The following STAP1 variants were observed in gnomAD, a reference collection of about 807,000 sequenced individuals.
STAP1 encodes the protein signal-transducing adaptor protein 1.
A neutral mutation model predicts 37.8 loss-of-function variants in STAP1; 30 were observed. The observed-to-expected ratio is 0.79, with a 90% confidence interval of 0.59 to 1.08. The LOEUF is 1.08. Among genes scored for constraint, STAP1 ranks in the 50% least tolerant of loss-of-function variants. The probability of loss-of-function intolerance (pLI) is 0.00; values close to 1 mark genes in which losing one functional copy is unlikely to be tolerated. For missense variants in STAP1, 357 were observed against 349.4 expected (o/e 1.02, Z -0.17); for synonymous variants, 130 against 116.0 (o/e 1.12, Z -0.78).
At chr4:67,581,634 A>C (rs2242329) in intron 5 of STAP1, among the ~76,000 whole-genome samples, 163 bp downstream of exon 5, 1 of 152,088 alleles carries the variant, frequency 6.6e-6, no homozygotes, top group African/African-American at 2.4e-5. Flanking sequence ...CTTCTATGTC[A>C]TGATCAACAA....
chr4:67,602,708 G>A (rs1728369691), intron 8 of STAP1, among the ~76,000 whole-genome samples: 1 of 152,114 alleles, frequency 6.6e-6, no homozygotes, highest in Non-Finnish European at 1.5e-5. Flanking sequence ...AACAAATGGA[G>A]TCTCTCCCCA....
At chr4:67,562,086 A>G (rs1025680446) in intron 1 of STAP1, among the ~76,000 whole-genome samples, 2 of 144,890 alleles carry the variant, frequency 1.4e-5, no homozygotes, top group African/African-American at 2.5e-5. Flanking sequence ...AAAAAAAAAA[A>G]AAAAAGAAAG....
At position 67,571,138 on chromosome 4, in the gene STAP1, G is replaced by A. The variant is rs781246980; in HGVS notation, c.175G>A (p.Asp59Asn). 18 of 1,606,372 alleles carry A rather than the reference G, an allele frequency of 1.1e-5. No homozygotes were observed. The highest frequency in any genetic ancestry group is 1.6e-4 in the Middle Eastern group (1 of 6,064). Residue 59 changes from aspartate (D) to asparagine (N), a missense_variant, in exon 2 of 9, where the codon GAC becomes AAC. Transcript: ENST00000265404. ...AGGAACTACTCTTTTCTTTTATACC[G>A]ACAAAAAGAGTATAATAGTAAGTAA... Reference protein sequence around the residue: ...LRGTTLFFYTDKKSIIYVDKL... With the variant: ...LRGTTLFFYTNKKSIIYVDKL...
intron 2 of STAP1, among the ~76,000 whole-genome samples, chr4:67,574,105 A>T (rs1004083666): frequency 6.6e-6 from 1 of 152,124 alleles, no homozygotes; most frequent in Non-Finnish European, 1.5e-5. Context: ...TCTGGAAAAA[A>T]GTATGAATAT....
Position 67,592,036 on chromosome 4 carries a change from G to A in STAP1, c.729+1083G>A, listed in dbSNP as rs116130028. Among the ~76,000 whole-genome samples, 1,505 of 152,264 alleles carry A rather than the reference G, an allele frequency of 9.9e-3. 27 individuals are homozygous for A. The highest frequency in any genetic ancestry group is 0.034 in the African/African-American group (1,423 of 41,534). On this transcript the variant is annotated intron_variant, in intron 7 of 8. Transcript: ENST00000265404. ...GTCATTAGCTCATACAGTCTACAGTGTAAGGAAAACTAACAGCCTGGATTA... is the reference window on the plus strand; with the variant it reads ...GTCATTAGCTCATACAGTCTACAGTATAAGGAAAACTAACAGCCTGGATTA...
In STAP1 at chr4:67,602,036, ATTCT is replaced by A. The variant is rs542141934; in HGVS notation, c.827-4254_827-4251del. Among the ~76,000 whole-genome samples, 597 of 151,082 alleles carry A rather than the reference ATTCT, an allele frequency of 4.0e-3. 2 individuals are homozygous for A. Among genetic ancestry groups the A allele is most frequent in the Middle Eastern group, 0.017 (5 of 294 alleles). ...TTGTAGGTGTGCTTCATTCCTTTTT[ATTCT>A]TTCTTCTTTTGTCTCCTCTGTGCAT... On this transcript the variant is annotated intron_variant, in intron 8 of 8. Transcript: ENST00000265404.
chr4:67,591,458 A>C (rs1476959471), intron 7 of STAP1, among the ~76,000 whole-genome samples: 1 of 152,200 alleles, frequency 6.6e-6, no homozygotes, highest in Non-Finnish European at 1.5e-5. Context: ...AATTGTTATC[A>C]TTACCCTGAG....
At chr4:67,603,482 G>A (rs948609734) in intron 8 of STAP1, among the ~76,000 whole-genome samples, 1 of 152,036 alleles carries the variant, frequency 6.6e-6, no homozygotes, top group Non-Finnish European at 1.5e-5. Flanking sequence ...GAATGTGCTG[G>A]GTCATACCTG....
At chr4:67,584,797 A>G (rs1014525154) in intron 6 of STAP1, among the ~76,000 whole-genome samples, 5 of 152,212 alleles carry the variant, frequency 3.3e-5, no homozygotes, top group African/African-American at 1.2e-4. Flanking sequence ...GGGTAGGGAC[A>G]CATCACTCAG....
intron 1 of STAP1, among the ~76,000 whole-genome samples, chr4:67,568,728 T>A (rs1456227862): frequency 1.3e-5 from 2 of 152,246 alleles, no homozygotes; most frequent in African/African-American, 2.4e-5. Flanking sequence ...GATCTGTCAA[T>A]AATATATACT....
intron 8 of STAP1, among the ~76,000 whole-genome samples, chr4:67,604,791 G>C (rs1728415074): frequency 6.6e-6 from 1 of 150,938 alleles, no homozygotes; most frequent in Admixed American, 6.6e-5. Flanking sequence ...TTAAAAGCAG[G>C]CAACCATCTT....
intron 4 of STAP1, among the ~76,000 whole-genome samples, chr4:67,579,512 T>C (rs1157095526): frequency 6.6e-6 from 1 of 152,178 alleles, no homozygotes; most frequent in Non-Finnish European, 1.5e-5. Flanking sequence ...AGAGGTTTAA[T>C]TGGCTCCTGG....
chr4:67,581,543 G>T, intron 5 of STAP1, 72 bp downstream of exon 5: 1 of 1,508,218 alleles, frequency 6.6e-7, no homozygotes, highest in Non-Finnish European at 8.9e-7. Context: ...AGGAGAGTTA[G>T]TCACTTGCTC....
chr4:67,583,455 G>A (rs747638878), intron 5 of STAP1, 119 bp from the exon 6 acceptor site: 96 of 1,041,480 alleles, frequency 9.2e-5, no homozygotes, highest in South Asian at 4.4e-4. Flanking sequence ...TAATCAAACC[G>A]GAAGTTTTAA....
At chr4:67,605,003 G>A (rs1303493782) in intron 8 of STAP1, among the ~76,000 whole-genome samples, 1 of 152,174 alleles carries the variant, frequency 6.6e-6, no homozygotes, top group Non-Finnish European at 1.5e-5. Context: ...AGGTGAGCCT[G>A]GAATTTGTGT....
In STAP1 at chr4:67,583,596, A is replaced by G; in HGVS notation, c.553A>G (p.Lys185Glu). 6.2e-7 allele frequency: 1 copy of G among 1,613,546 alleles called. No individual in the cohort carries two copies. The highest frequency in any genetic ancestry group is 1.7e-4 in the Middle Eastern group (1 of 6,054). The change falls in exon 6 of 9, where the codon AAA becomes GAA. Residue 185 changes from lysine (K) to glutamate (E), a missense_variant. Lys to Glu is a moderately conservative substitution (Grantham distance 56, BLOSUM62 1). Transcript: ENST00000265404. ...MPACFYTVSR[K>E]EATEMLQKNP... The stretch of plus-strand genomic sequence containing the variant: ...TAGATGTTTTTATACAGTGTCCCGG[A>G]AAGAGGCAACTGAGATGCTCCAGAA...
intron 3 of STAP1, among the ~76,000 whole-genome samples, chr4:67,575,997 T>A (rs1035427728): frequency 5.3e-5 from 8 of 152,208 alleles, no homozygotes; most frequent in Non-Finnish European, 1.0e-4. Context: ...GCTCCCCGGA[T>A]GATTTGCAGA....
intron 6 of STAP1, 139 bp from the exon 7 acceptor site, chr4:67,590,745 A>ATT (rs66493617): frequency 0.2 from 41,403 of 207,700 alleles, 5,027 homozygotes; most frequent in Non-Finnish European, 0.23. Context: ...ACCACGAAGG[A>ATT]TTTTTTTTTT....
chr4:67,581,235 G>A, intron 4 of STAP1, 70 bp from the exon 5 acceptor site: 1 of 1,472,848 alleles, frequency 6.8e-7, no homozygotes, highest in South Asian at 1.3e-5. Flanking sequence ...ACCAGAACAG[G>A]GTCGTCTTTA....
Sources: allele counts gnomAD v4.1 joint callset (sites outside exome capture counted in the v4.1 genomes callset), GRCh38; gene constraint gnomAD v4.1.1; transcripts MANE v1.5; gene names NCBI Gene and HGNC (gene_info 2026-07-23, HGNC 2026-07-21).